Variants in SH3D19 observed in about 807,000 individuals in gnomAD.
SH3D19 encodes SH3 domain-containing protein 19.
A neutral mutation model predicts 112.1 loss-of-function variants in SH3D19; 58 were observed. The ratio of observed to expected loss-of-function variants is 0.52; its 90% CI spans 0.42 to 0.64. The LOEUF is 0.64. Among genes scored for constraint, SH3D19 ranks in the 30% least tolerant of loss-of-function variants. SH3D19 has a pLI of 0.00. For missense variants in SH3D19, 1,090 were observed against 1,263.4 expected (o/e 0.86, Z 2.08); for synonymous variants, 391 against 448.5 (o/e 0.87, Z 1.62).
intron 2 of SH3D19, among the ~76,000 whole-genome samples, chr4:151,223,452 A>G (rs180998966): frequency 6.6e-6 from 1 of 152,262 alleles, no homozygotes; most frequent in Admixed American, 6.5e-5. Flanking sequence ...TGACCCCATT[A>G]GTTGAGCACT....
intron 2 of SH3D19, among the ~76,000 whole-genome samples, chr4:151,188,742 T>C (rs1762165026): frequency 6.6e-6 from 1 of 152,210 alleles, no homozygotes; most frequent in South Asian, 2.1e-4. Context: ...ATGTATTGAT[T>C]GGGGTGGAAC....
chr4:151,254,132 G>C (rs1771622265), intron 1 of SH3D19, among the ~76,000 whole-genome samples: 1 of 152,186 alleles, frequency 6.6e-6, no homozygotes, highest in Non-Finnish European at 1.5e-5. Flanking sequence ...CCCTCTGTGT[G>C]AATGAAAATG....
intron 1 of SH3D19, among the ~76,000 whole-genome samples, chr4:151,302,623 C>T (rs1008086679): frequency 3.3e-5 from 5 of 152,166 alleles, no homozygotes; most frequent in Non-Finnish European, 5.9e-5. Context: ...TAGGAAAAAA[C>T]GACTATAGAC....
chr4:151,180,167 T>A (rs1760629666), intron 3 of SH3D19, among the ~76,000 whole-genome samples: 1 of 152,144 alleles, frequency 6.6e-6, no homozygotes, highest in African/African-American at 2.4e-5. Flanking sequence ...CATGAGCCAC[T>A]ATGCCCAGCC....
At chr4:151,293,963 T>C (rs757870237) in intron 1 of SH3D19, among the ~76,000 whole-genome samples, 2 of 152,356 alleles carry the variant, frequency 1.3e-5, no homozygotes, top group Middle Eastern at 3.4e-3. Context: ...GATCTCAATT[T>C]ACCCTTCACT....
intron 1 of SH3D19, among the ~76,000 whole-genome samples, chr4:151,275,836 A>ATTT (rs1561421508): frequency 5.5e-5 from 3 of 54,708 alleles, no homozygotes; most frequent in African/African-American, 8.7e-5. Flanking sequence ...TATTATTATT[A>ATTT]TTATTATTAT....
chr4:151,126,183 C>G (rs1749279264), intron 19 of SH3D19, among the ~76,000 whole-genome samples: 1 of 152,150 alleles, frequency 6.6e-6, no homozygotes, highest in Non-Finnish European at 1.5e-5. Flanking sequence ...CTTGACTTCC[C>G]AAAAGTGTTG....
rs1036032661 is a variant in SH3D19, at chr4:151,283,416, C to T, written c.112+41825G>A. 37 of 734,058 alleles carry T rather than the reference C, an allele frequency of 5.0e-5. 1 individual carries two copies. In the South Asian group the frequency reaches 7.3e-4, roughly 14 times the overall value. 45.5% of individuals were successfully genotyped at this position (734,058 alleles called of 1,614,324 possible). On this transcript the variant is annotated intron_variant, in intron 1 of 19. Coordinates refer to ENST00000604030, the MANE Select transcript of SH3D19 (RefSeq NM_001378122.1). The stretch of plus-strand genomic sequence containing the variant: ...GTTCTAAGAATAACTCTTATGTTAC[C>T]CTGGACAAATCACTTAACTTCTATC...
chr4:151,236,879 T>G (rs552109294), intron 1 of SH3D19, among the ~76,000 whole-genome samples: 10 of 152,184 alleles, frequency 6.6e-5, no homozygotes, highest in Admixed American at 2.6e-4. Flanking sequence ...TAAAACGGAC[T>G]AATCAGCTCT....
At chr4:151,320,563 C>T (rs1314581134) in intron 1 of SH3D19, among the ~76,000 whole-genome samples, 1 of 151,964 alleles carries the variant, frequency 6.6e-6, no homozygotes, top group Non-Finnish European at 1.5e-5. Flanking sequence ...GAAGAATTTC[C>T]ACATCGAAAG....
chr4:151,264,780 A>G (rs1772644600), intron 1 of SH3D19, among the ~76,000 whole-genome samples: 1 of 152,278 alleles, frequency 6.6e-6, no homozygotes, highest in Non-Finnish European at 1.5e-5. Context: ...ATGCTGCCTT[A>G]TTTTCTTTTT....
At chr4:151,279,543 G>A (rs1177695264) in intron 1 of SH3D19, among the ~76,000 whole-genome samples, 1 of 152,168 alleles carries the variant, frequency 6.6e-6, no homozygotes, top group African/African-American at 2.4e-5. Context: ...GTTACTATGT[G>A]TTAATGATAC....
rs1246700974 is a variant in SH3D19 at position 151,325,399 on chromosome 4, C to T, written c.-47G>A. 3.8e-6 allele frequency: 4 copies of T among 1,041,994 alleles called. No individual in the cohort carries two copies. The Admixed American group carries it at 1.8e-4, about 48-fold the overall frequency. The allele number at this position is 1,041,994 out of a possible 1,614,324, so 64.5% of individuals were successfully genotyped here. On this transcript the variant is annotated 5_prime_UTR_variant, in exon 1 of 20. Coordinates refer to ENST00000604030, the MANE Select transcript of SH3D19 (RefSeq NM_001378122.1). Reference sequence around the variant, plus strand: ...CGCGGGATGGCCAGCGAGCTGCGGCCCCGGCGCCCCAGAACGCCTGCACCC... The same window carrying T: ...CGCGGGATGGCCAGCGAGCTGCGGCTCCGGCGCCCCAGAACGCCTGCACCC...
chr4:151,250,263 G>A (rs1310843433), intron 1 of SH3D19, among the ~76,000 whole-genome samples: 2 of 152,248 alleles, frequency 1.3e-5, no homozygotes, highest in East Asian at 3.9e-4. Flanking sequence ...TGATTTTAAT[G>A]TTAGGTTACT....
At chr4:151,161,608 T>C (rs905531657) in intron 8 of SH3D19, among the ~76,000 whole-genome samples, 2 of 149,228 alleles carry the variant, frequency 1.3e-5, no homozygotes, top group Non-Finnish European at 3.0e-5. Context: ...ACTTTGTTTT[T>C]GTCTTTTATA....
intron 1 of SH3D19, among the ~76,000 whole-genome samples, chr4:151,293,208 C>G (rs1056681083): frequency 6.6e-6 from 1 of 151,992 alleles, no homozygotes; most frequent in African/African-American, 2.4e-5. Context: ...TGGTGGCTCA[C>G]GCCTGTAATC....
At chr4:151,160,151 A>G (rs985650287) in intron 8 of SH3D19, among the ~76,000 whole-genome samples, 3 of 150,868 alleles carry the variant, frequency 2.0e-5, no homozygotes, top group Non-Finnish European at 1.5e-5. Flanking sequence ...CAGTGGTGCA[A>G]TCTCGGCTCA....
chr4:151,205,517 C>A lies in SH3D19; in HGVS notation c.153-18054G>T, dbSNP rs143595347. Reference sequence around the variant, plus strand: ...ATTTCAGCTCTGCCTTTACTCACTCCATGAGTATAATCACATGTCAGTTTC... The same window carrying A: ...ATTTCAGCTCTGCCTTTACTCACTCAATGAGTATAATCACATGTCAGTTTC... On this transcript the variant is annotated intron_variant, in intron 2 of 19. Transcript: ENST00000604030. Among the ~76,000 whole-genome samples the A allele has an allele frequency of 1.9e-3, 285 of 152,312 alleles. 1 individual carries two copies. The highest frequency in any genetic ancestry group is 6.5e-3 in the African/African-American group (270 of 41,560).
chr4:151,152,405 T>C (rs78718721), intron 9 of SH3D19, among the ~76,000 whole-genome samples: 10,375 of 152,214 alleles, frequency 0.068, 589 homozygotes, highest in East Asian at 0.19. Context: ...CTGGTGAAGT[T>C]GGTTTTCCTG....
Sources: allele counts gnomAD v4.1 joint callset (sites outside exome capture counted in the v4.1 genomes callset), GRCh38; gene constraint gnomAD v4.1.1; transcripts MANE v1.5; gene names NCBI Gene and HGNC (gene_info 2026-07-23, HGNC 2026-07-21).